Variants in CDH24 observed in about 807,000 individuals in gnomAD.
CDH24 encodes the protein cadherin-24.
A neutral mutation model predicts 71.2 loss-of-function variants in CDH24; 61 were observed. The ratio of observed to expected loss-of-function variants is 0.86; its 90% CI spans 0.70 to 1.06. CDH24 has a LOEUF of 1.06. Among genes scored for constraint, CDH24 ranks in the 50% least tolerant of loss-of-function variants. The pLI, the probability that CDH24 is intolerant of heterozygous loss-of-function variation, is 0.00. For missense variants in CDH24, 961 were observed against 1,083.7 expected (o/e 0.89, Z 1.59); for synonymous variants, 440 against 470.2 (o/e 0.94, Z 0.83).
intron 11 of CDH24, 42 bp from the exon 12 acceptor site, chr14:23,048,521 C>CG (rs2047060739): frequency 1.3e-6 from 2 of 1,588,322 alleles, no homozygotes; most frequent in African/African-American, 1.4e-5. Flanking sequence ...CCAGCAGGGC[C>CG]GGGAGCGGGC....
At chr14:23,053,949 C>G (rs1356623212) in intron 6 of CDH24, among the ~76,000 whole-genome samples, 192 bp downstream of exon 6, 2 of 152,166 alleles carry the variant, frequency 1.3e-5, no homozygotes, top group African/African-American at 2.4e-5. Context: ...CTGCCCCTAG[C>G]TCCCTCATAG....
intron 8 of CDH24, chr14:23,052,236 C>T (rs1212178397): frequency 9.7e-6 from 7 of 719,116 alleles, no homozygotes; most frequent in African/African-American, 1.8e-5. Flanking sequence ...CCACCCAGCC[C>T]AGCCTAGGGG....
rs2047094336 is a variant in CDH24, at chr14:23,052,697, C to A, written c.1227-88G>T. ...TCTCTTCTTTCTTCCCTCTGTTCAC[C>A]TTGTCAGACCTCATGACTCCTCTGG... is the stretch of plus-strand genomic sequence containing the variant. On this transcript the variant is annotated intron_variant, in intron 7 of 12. Coordinates refer to ENST00000487137, the MANE Select transcript of CDH24 (RefSeq NM_144985.4). 2.9e-6 allele frequency: 4 copies of A among 1,370,496 alleles called. No individual in the cohort carries two copies. The South Asian group carries it at 5.0e-5, about 17-fold the overall frequency. 84.9% of individuals were successfully genotyped at this position (1,370,496 alleles called of 1,614,324 possible).
rs1465239736 is a variant in CDH24, at chr14:23,054,254, C to T, written c.859G>A (p.Asp287Asn). The T allele has an allele frequency of 1.2e-6, 2 of 1,613,606 alleles. No individual in the cohort carries two copies. Among genetic ancestry groups the T allele is most frequent in the Non-Finnish European group, 8.5e-7 (1 of 1,179,898 alleles). ...GCCATCAGGGCGTTGTCCCCCAGGT[C>T]TGGGTCCTGGGCCCGGAGCCGGCCC... Reference protein sequence around the residue: ...LVGRLRAQDPDLGDNALMAYS... With the variant: ...LVGRLRAQDPNLGDNALMAYS... The change falls in exon 6 of 13, where the codon GAC (aspartate) becomes AAC (asparagine). Residue 287 changes from aspartate (D) to asparagine (N), a missense_variant. Asp to Asn is a conservative substitution (Grantham distance 23, BLOSUM62 1). Around this residue, in one of 2 missense-constraint regions of CDH24, gnomAD observed 671 missense variants for 810.9 expected, o/e 0.83. Coordinates refer to ENST00000487137, the MANE Select transcript of CDH24 (RefSeq NM_144985.4). The surrounding 1 kb of genome is among the most constrained non-coding windows in gnomAD (Gnocchi z 5.2).
At chr14:23,053,874 T>A in intron 6 of CDH24, 125 bp from the exon 7 acceptor site, 1 of 1,040,134 alleles carries the variant, frequency 9.6e-7, no homozygotes, top group South Asian at 1.7e-5. Context: ...TGAGGAGAGG[T>A]GGCACTGGAG....
At chr14:23,052,648 G>A (rs780013499) in intron 7 of CDH24, 39 bp from the exon 8 acceptor site, 54 of 1,604,736 alleles carry the variant, frequency 3.4e-5, no homozygotes, top group East Asian at 6.7e-5. Flanking sequence ...GATCTGGGGC[G>A]GGACCACAGC....
In CDH24 at chr14:23,055,781, C is replaced by A. The variant is rs775347101; in HGVS notation, c.-48G>T. 2.8e-5 allele frequency: 41 copies of A among 1,469,882 alleles called. No individual in the cohort carries two copies. Among genetic ancestry groups the A allele is most frequent in the Non-Finnish European group, 3.4e-5 (38 of 1,108,354 alleles). The allele number at this position is 1,469,882 out of a possible 1,614,324, so 91.1% of individuals were successfully genotyped here. On this transcript the variant is annotated 5_prime_UTR_variant, in exon 2 of 13. Coordinates refer to ENST00000487137, the MANE Select transcript of CDH24 (RefSeq NM_144985.4). This position sits in a 1 kb window ranked among gnomAD's most constrained non-coding sequence, Gnocchi z 4.1. ...TGTTCACTGGCCCTGGGTGCTGAGG[C>A]TGGGCCAGGCCACGTGGCCCATGAG...
chr14:23,056,721 C>G (rs1263453852), intron 1 of CDH24, among the ~76,000 whole-genome samples: 1 of 152,094 alleles, frequency 6.6e-6, no homozygotes, highest in Non-Finnish European at 1.5e-5. Context: ...GGTGTCAAGC[C>G]AGGCCTCGGG....
In CDH24 at chr14:23,053,582, G is replaced by A. The variant is rs370996228; in HGVS notation, c.1140C>T (p.His380=). ...EPPAFTQAAY[H]LTVPENKAPG... ...GGGCCTTGTTCTCAGGCACTGTCAG[G>A]TGGTAGGCAGCCTGGGTGAAGGCAG... The change falls in exon 7 of 13, where the codon CAC becomes CAT. Residue 380 remains histidine, a synonymous_variant. Transcript: ENST00000487137. 6.2e-7 allele frequency: 1 copy of A among 1,613,062 alleles called. No individual in the cohort carries two copies. Among genetic ancestry groups the A allele is most frequent in the Non-Finnish European group, 8.5e-7 (1 of 1,179,300 alleles).
chr14:23,047,824 A>C lies in CDH24; in HGVS notation c.*156T>G. ...ACCGACTCAGGAGGAGGGAGGTGAG[A>C]GCGAGGGTGCCCCGGGGAAGCAAGG... On this transcript the variant is annotated 3_prime_UTR_variant, in exon 12 of 13. Transcript: ENST00000487137. The C allele has an allele frequency of 2.4e-6, 1 of 420,320 alleles. No homozygotes were observed. 26.0% of individuals were successfully genotyped at this position (420,320 alleles called of 1,614,324 possible).
At chr14:23,053,392 TG>T in intron 7 of CDH24, 103 bp downstream of exon 7, 1 of 1,315,830 alleles carries the variant, frequency 7.6e-7, no homozygotes, top group Non-Finnish European at 1.0e-6. Context: ...AGGCTTTTGC[TG>T]GGATATGAGT....
chr14:23,054,465 G>A lies in CDH24; in HGVS notation c.784+41C>T, dbSNP rs373384849. ...TTTCTCCAGACACTGTAGGGGTGGG[G>A]TGATCAAAGGATGGCTCAGGTGGCA... is the stretch of plus-strand genomic sequence containing the variant. On this transcript the variant is annotated intron_variant, in intron 5 of 12. Coordinates refer to ENST00000487137, the MANE Select transcript of CDH24 (RefSeq NM_144985.4). The surrounding 1 kb of genome is among the most constrained non-coding windows in gnomAD (Gnocchi z 5.2). 2 of 1,594,462 alleles carry A rather than the reference G, an allele frequency of 1.3e-6. No individual in the cohort carries two copies. Among genetic ancestry groups the A allele is most frequent in the Non-Finnish European group, 1.7e-6 (2 of 1,168,382 alleles).
At position 23,055,319 on chromosome 14, in the gene CDH24, G is replaced by A; in HGVS notation, c.236C>T (p.Thr79Ile). ...CCCCTCCCCGGTCAACAGGTACTTG[G>A]TGCGGCCCTCTCCCCGGTCAACATC... ...HSDVDRGEGR[T>I]KYLLTGEGAG... The change falls in exon 3 of 13, where the codon ACC becomes ATC. Residue 79 changes from threonine to isoleucine, a missense_variant. This residue lies in a region of CDH24 where 671 missense variants were observed against 810.9 expected (regional missense o/e 0.83). Coordinates refer to ENST00000487137, the MANE Select transcript of CDH24 (RefSeq NM_144985.4). The surrounding 1 kb of genome is among the most constrained non-coding windows in gnomAD (Gnocchi z 4.1). 1 of 1,609,562 alleles carries A rather than the reference G, an allele frequency of 6.2e-7. No homozygotes were observed.
At chr14:23,050,047 G>C in intron 8 of CDH24, 104 bp from the exon 9 acceptor site, 1 of 1,476,624 alleles carries the variant, frequency 6.8e-7, no homozygotes, top group African/African-American at 1.4e-5. Flanking sequence ...CATATAGCAT[G>C]CACAAGAAAC....
In CDH24 at chr14:23,048,228, CG is replaced by C; in HGVS notation, c.2097del (p.Ala700ProfsTer103). On this transcript the variant is annotated frameshift_variant, in exon 12 of 13. Transcript: ENST00000487137. LOFTEE classifies it high-confidence loss of function. ...RVSRQPRPPG[P>X]ADVAQLLALR... ...AGCGCCAGGAGCTGCGCCACGTCGG[CG>C]GGGCCGGGGGGTCTGGGCTGGCGCG... 1 of 1,302,208 alleles carries C rather than the reference CG, an allele frequency of 7.7e-7. No individual in the cohort carries two copies. The allele number at this position is 1,302,208 out of a possible 1,614,324, so 80.7% of individuals were successfully genotyped here. A position where few individuals can be genotyped will look rare whatever the true frequency, so the allele number is the denominator to read the frequency against.
At chr14:23,049,350 GCTTCCC>G in intron 10 of CDH24, 75 bp from the exon 11 acceptor site, 1 of 1,399,302 alleles carries the variant, frequency 7.1e-7, no homozygotes, top group Non-Finnish European at 9.6e-7. Context: ...CATAGAGCCA[GCTTCCC>G]ATAGAGCCAG....
chr14:23,049,580 G>T lies in CDH24; in HGVS notation c.1597+47C>A, dbSNP rs145152245. On this transcript the variant is annotated intron_variant, in intron 10 of 12. Transcript: ENST00000487137. ...CTGGGCTAGGGGTGGAGGAGGAGGAGAAGGGGACAGAGGCAGGTATGGACA... is the reference window on the plus strand; with the variant it reads ...CTGGGCTAGGGGTGGAGGAGGAGGATAAGGGGACAGAGGCAGGTATGGACA... 1.4e-3 allele frequency: 1,602 copies of T among 1,140,182 alleles called. 14 individuals carry two copies. The African/African-American group carries it at 0.022, about 16-fold the overall frequency. 70.6% of individuals were successfully genotyped at this position (1,140,182 alleles called of 1,614,324 possible). A position where few individuals can be genotyped will look rare whatever the true frequency, so the allele number is the denominator to read the frequency against.
chr14:23,047,970 G>T lies in CDH24; in HGVS notation c.*10C>A. On this transcript the variant is annotated 3_prime_UTR_variant, in exon 12 of 13. Coordinates refer to ENST00000487137, the MANE Select transcript of CDH24 (RefSeq NM_144985.4). Reference sequence around the variant, plus strand: ...CCCCCCCCCGCGGTGGGCCGGGCCAGCCCGGGCGCTCAGGGGGCCGGGGGC... The same window carrying T: ...CCCCCCCCCGCGGTGGGCCGGGCCATCCCGGGCGCTCAGGGGGCCGGGGGC... 7.6e-7 allele frequency: 1 copy of T among 1,322,734 alleles called. No homozygotes were observed. Among genetic ancestry groups the T allele is most frequent in the Non-Finnish European group, 9.6e-7 (1 of 1,041,770 alleles). 81.9% of individuals were successfully genotyped at this position (1,322,734 alleles called of 1,614,324 possible). A position where few individuals can be genotyped will look rare whatever the true frequency, so the allele number is the denominator to read the frequency against.
At chr14:23,049,471 C>T (rs1480537770) in intron 10 of CDH24, among the ~76,000 whole-genome samples, 156 bp downstream of exon 10, 1 of 152,024 alleles carries the variant, frequency 6.6e-6, no homozygotes. Context: ...GGAAGGTTTA[C>T]AAAGAGCCAA....
Sources: allele counts gnomAD v4.1 joint callset (sites outside exome capture counted in the v4.1 genomes callset), GRCh38; gene constraint gnomAD v4.1.1; regional missense constraint gnomAD v4.1.1; non-coding constraint Gnocchi (gnomAD v3.1); transcripts MANE v1.5; gene names NCBI Gene and HGNC (gene_info 2026-07-23, HGNC 2026-07-21).